MYO10: variants seen among roughly 807,000 people sequenced by gnomAD.
MYO10 encodes the protein myosin X.
In MYO10, 133 loss-of-function variants were observed where a neutral mutation model predicts 257.3. That is an observed-to-expected ratio of 0.52 (90% CI 0.45 to 0.60). The LOEUF (loss-of-function observed/expected upper bound fraction) is 0.60. MYO10 is among the 20% of genes least tolerant of loss of function. MYO10 has a pLI of 0.00. For synonymous variants in MYO10, 1,104 were observed against 1,028.6 expected (o/e 1.07, Z -1.40); for missense variants, 2,399 against 2,635.7 (o/e 0.91, Z 1.97).
At chr5:16,921,187 T>C (rs1580153271) in intron 1 of MYO10, among the ~76,000 whole-genome samples, 1 of 151,750 alleles carries the variant, frequency 6.6e-6, no homozygotes, top group Non-Finnish European at 1.5e-5. Context: ...ATCCAAGATA[T>C]ATGTGGGAGA....
chr5:16,822,265 GAA>G (rs11385859), intron 2 of MYO10, among the ~76,000 whole-genome samples: 1 of 147,520 alleles, frequency 6.8e-6, no homozygotes, highest in Non-Finnish European at 1.5e-5. Flanking sequence ...ATAAAAGTTG[GAA>G]AAAAAAAACG....
chr5:16,763,929 G>A (rs891560399), intron 12 of MYO10, among the ~76,000 whole-genome samples, 174 bp from the exon 13 acceptor site: 3 of 152,166 alleles, frequency 2.0e-5, no homozygotes, highest in African/African-American at 7.2e-5. Flanking sequence ...CAGATCACCT[G>A]AGGTCGGGAG....
chr5:16,741,113 C>CG lies in MYO10; in HGVS notation c.1929+13714dup, dbSNP rs1192810153. Among the ~76,000 whole-genome samples, 12 of 152,232 alleles carry CG rather than the reference C, an allele frequency of 7.9e-5. No homozygotes were observed. In the East Asian group the frequency reaches 9.6e-4, roughly 12 times the overall value. ...CATCAACTGAACACCATTCCTCCAT[C>CG]GGGGGGAGGCAGAGATTAGCATTTC... On this transcript the variant is annotated intron_variant, in intron 19 of 40. Transcript: ENST00000513610.
At chr5:16,697,339 C>T (rs1022626547) in intron 26 of MYO10, among the ~76,000 whole-genome samples, 9 of 151,814 alleles carry the variant, frequency 5.9e-5, no homozygotes, top group South Asian at 4.2e-4. Context: ...AAAGAAAAGA[C>T]GTGGAAAAAA....
At chr5:16,771,815 A>G (rs541774941) in intron 9 of MYO10, among the ~76,000 whole-genome samples, 55 of 151,862 alleles carry the variant, frequency 3.6e-4, no homozygotes, top group African/African-American at 1.3e-3. Flanking sequence ...TCCTGCGCTC[A>G]AGCAATCTGC....
intron 3 of MYO10, among the ~76,000 whole-genome samples, chr5:16,816,690 C>T (rs1490782429): frequency 2.6e-5 from 4 of 151,780 alleles, no homozygotes; most frequent in African/African-American, 9.7e-5. Context: ...GCCACCACGC[C>T]CAGCTAATTT....
chr5:16,773,898 T>C (rs1741135602), intron 9 of MYO10, among the ~76,000 whole-genome samples: 2 of 152,214 alleles, frequency 1.3e-5, no homozygotes, highest in Non-Finnish European at 1.5e-5. Flanking sequence ...AGTAGTGTTG[T>C]GATAAGCGGC....
rs758200695 is a variant in MYO10, at chr5:16,764,403, G to C, written c.1180-7C>G. On this transcript the variant is annotated splice_polypyrimidine_tract_variant and splice_region_variant and intron_variant, in intron 11 of 40. Transcript: ENST00000513610. ...AGTCCCTGCTGTCTACTGCCTGTGG[G>C]AGAGAAACCAGCACAGACTCAGCTG... 1 of 1,613,654 alleles carries C rather than the reference G, an allele frequency of 6.2e-7. No individual in the cohort carries two copies. Among genetic ancestry groups the C allele is most frequent in the East Asian group, 2.2e-5 (1 of 44,856 alleles).
At chr5:16,909,131 C>T (rs29449) in intron 1 of MYO10, among the ~76,000 whole-genome samples, 106,401 of 152,074 alleles carry the variant, frequency 0.7, 37,430 homozygotes, top group Admixed American at 0.75. Context: ...CTCACAATCA[C>T]GGCAGAAGGT....
rs368136262 is a variant in MYO10, at chr5:16,701,704, G to A, written c.2691C>T (p.Ile897=). 1.2e-5 allele frequency: 19 copies of A among 1,613,874 alleles called. No individual in the cohort carries two copies. The highest frequency in any genetic ancestry group is 8.3e-5 in the Admixed American group (5 of 60,004). ...VEEILRLEKE[I]EDLQRMKEQQ... ...GCTCCTTCATGCGCTGCAGGTCCTC[G>A]ATTTCTTTCTCCAGACGGAGGATCT... is the stretch of plus-strand genomic sequence containing the variant. Residue 897 remains isoleucine, a synonymous_variant, in exon 25 of 41, where the codon ATC becomes ATT. Transcript: ENST00000513610. The surrounding 1 kb of genome is among the most constrained non-coding windows in gnomAD (Gnocchi z 8.1).
chr5:16,776,836 C>T lies in MYO10; in HGVS notation c.930+2709G>A, dbSNP rs149367561. Among the ~76,000 whole-genome samples the T allele has an allele frequency of 5.4e-3, 828 of 152,326 alleles. 2 individuals are homozygous for T. Among genetic ancestry groups the T allele is most frequent in the Non-Finnish European group, 7.2e-3 (493 of 68,036 alleles). On this transcript the variant is annotated intron_variant, in intron 9 of 40. Coordinates refer to ENST00000513610, the MANE Select transcript of MYO10 (RefSeq NM_012334.3). ...GCTGCCACTGCCAAGTGCTCCCTAG[C>T]GGCCAACAAGCGAGCTCGCAGGTGA... is the stretch of plus-strand genomic sequence containing the variant.
chr5:16,781,907 C>A, intron 5 of MYO10, 78 bp from the exon 6 acceptor site: 2 of 1,505,944 alleles, frequency 1.3e-6, no homozygotes, highest in South Asian at 2.5e-5. Flanking sequence ...TCACAAATGT[C>A]AAAATATACA....
At chr5:16,933,557 C>T (rs1353001602) in intron 1 of MYO10, among the ~76,000 whole-genome samples, 2 of 152,210 alleles carry the variant, frequency 1.3e-5, no homozygotes, top group Non-Finnish European at 2.9e-5. Context: ...CAGAATTCTA[C>T]TTAGTGATAA....
chr5:16,716,521 G>GCTCACGCCTGTAATCCCAGC (rs1463910613), intron 19 of MYO10, among the ~76,000 whole-genome samples: 1 of 75,752 alleles, frequency 1.3e-5, no homozygotes, highest in Non-Finnish European at 2.8e-5. Flanking sequence ...TATGACAGTG[G>GCTCACGCCTGTAATCCCAGC]ATTTGGAAAC....
chr5:16,918,657 C>T (rs373447486), intron 1 of MYO10, among the ~76,000 whole-genome samples: 3 of 152,148 alleles, frequency 2.0e-5, no homozygotes, highest in South Asian at 2.1e-4. Flanking sequence ...TGCACCATCA[C>T]GCCTGGCTAA....
chr5:16,733,552 A>AGAAG (rs889930210), intron 19 of MYO10, among the ~76,000 whole-genome samples: 1 of 152,182 alleles, frequency 6.6e-6, no homozygotes, highest in East Asian at 1.9e-4. Flanking sequence ...TCTGCTTTCC[A>AGAAG]GAAGGAAGGA....
chr5:16,893,096 C>A (rs1224041591), intron 1 of MYO10, among the ~76,000 whole-genome samples: 1 of 146,982 alleles, frequency 6.8e-6, no homozygotes, highest in Non-Finnish European at 1.5e-5. Context: ...ACTCGGGAGG[C>A]TGAGGCAGGA....
At position 16,769,228 on chromosome 5, in the gene MYO10, T is replaced by C. The variant is rs535828608; in HGVS notation, c.931-25A>G. ...TCTAGAAGAAAATAAATGTATTTAA[T>C]TTTATGTCGTTTTTTCACACTGAAG... On this transcript the variant is annotated intron_variant, in intron 9 of 40. Transcript: ENST00000513610. 9.0e-6 allele frequency: 14 copies of C among 1,561,062 alleles called. No individual in the cohort carries two copies. The African/African-American group carries it at 1.5e-4, about 17-fold the overall frequency.
chr5:16,701,579 T>C lies in MYO10; in HGVS notation c.2816A>G (p.Gln939Arg). 6.2e-7 allele frequency: 1 copy of C among 1,613,826 alleles called. No individual in the cohort carries two copies. Residue 939 changes from glutamine to arginine, a missense_variant, in exon 25 of 41, where the codon CAG (glutamine) becomes CGG (arginine). Physicochemically the swap from Gln to Arg is conservative, Grantham distance 43 (BLOSUM62 1). Around this residue, in one of 3 missense-constraint regions of MYO10, gnomAD observed 1,820 missense variants for 1,939.4 expected, o/e 0.94. Coordinates refer to ENST00000513610, the MANE Select transcript of MYO10 (RefSeq NM_012334.3). The surrounding 1 kb of genome is among the most constrained non-coding windows in gnomAD (Gnocchi z 8.1). ...RLEEEACRAA[Q>R]EFLESLNFDE... ...GAAATTGAGGGACTCGAGGAACTCC[T>C]GGGCCGCCCTGCACGCTTCCTCCTC...
Sources: allele counts gnomAD v4.1 joint callset (sites outside exome capture counted in the v4.1 genomes callset), GRCh38; gene constraint gnomAD v4.1.1; regional missense constraint gnomAD v4.1.1; non-coding constraint Gnocchi (gnomAD v3.1); transcripts MANE v1.5; gene names NCBI Gene and HGNC (gene_info 2026-07-23, HGNC 2026-07-21).